The following MAGI1 variants were observed in gnomAD, a reference collection of about 807,000 sequenced individuals.
MAGI1 encodes membrane-associated guanylate kinase, WW and PDZ domain-containing protein 1.
A neutral mutation model predicts 139.9 loss-of-function variants in MAGI1; 58 were observed. That is an observed-to-expected ratio of 0.41 (90% CI 0.34 to 0.52). MAGI1 has a LOEUF of 0.52. Ranked by LOEUF, MAGI1 falls within the 20% of genes least tolerant of loss-of-function variation. The pLI, the probability that MAGI1 is intolerant of heterozygous loss-of-function variation, is 0.12. For missense variants in MAGI1, 1,874 were observed against 1,901.6 expected (o/e 0.99, Z 0.27); for synonymous variants, 812 against 737.9 (o/e 1.10, Z -1.63).
At chr3:65,447,925 C>A in intron 7 of MAGI1, 97 bp downstream of exon 7, 2 of 1,376,228 alleles carry the variant, frequency 1.5e-6, no homozygotes, top group African/African-American at 2.8e-5. Context: ...GGAGTGCAAA[C>A]TAAAGAAACA....
At chr3:65,873,349 T>C (rs904099516) in intron 1 of MAGI1, 10 of 152,206 alleles carry the variant, frequency 6.6e-5, no homozygotes, top group Admixed American at 1.3e-4. Context: ...GCAAAGCTCG[T>C]CCACAGCTGA....
chr3:65,950,650 C>G (rs2063791934), intron 1 of MAGI1, among the ~76,000 whole-genome samples: 1 of 152,178 alleles, frequency 6.6e-6, no homozygotes, highest in South Asian at 2.1e-4. Context: ...AAATTATCAT[C>G]TTTCCAAGAA....
At chr3:65,485,890 G>C (rs1951594324) in intron 3 of MAGI1, among the ~76,000 whole-genome samples, 1 of 152,180 alleles carries the variant, frequency 6.6e-6, no homozygotes, top group African/African-American at 2.4e-5. Context: ...GGATCTCTAA[G>C]CAGGGAATTA....
chr3:65,791,476 T>A (rs760042360), intron 1 of MAGI1, among the ~76,000 whole-genome samples: 8 of 152,120 alleles, frequency 5.3e-5, no homozygotes, highest in Non-Finnish European at 8.8e-5. Context: ...GGACATTACA[T>A]GGAAGAAGGC....
intron 9 of MAGI1, 106 bp downstream of exon 9, chr3:65,439,773 G>A: frequency 3.8e-6 from 6 of 1,573,528 alleles, no homozygotes; most frequent in African/African-American, 2.7e-5. Context: ...TGTGGCAAGA[G>A]AGGACTCAAT....
At chr3:65,364,241 C>T (rs1048427905) in intron 20 of MAGI1, among the ~76,000 whole-genome samples, 8 of 151,340 alleles carry the variant, frequency 5.3e-5, no homozygotes, top group Admixed American at 1.3e-4. Context: ...ATTTGTTTCA[C>T]CTGCTAGTAT....
rs189160628 is a variant in MAGI1 at position 65,865,701 on chromosome 3, C to T, written c.313+172295G>A. On this transcript the variant is annotated intron_variant, in intron 1 of 22. Transcript: ENST00000402939. ...TGTTGCCCAGGCTGGAGTGCAATGGCGCAATCTCGGCTCACTGCAACCTCC... is the reference window on the plus strand; with the variant it reads ...TGTTGCCCAGGCTGGAGTGCAATGGTGCAATCTCGGCTCACTGCAACCTCC... Among the ~76,000 whole-genome samples the T allele has an allele frequency of 1.8e-3, 269 of 152,328 alleles. 4 individuals carry two copies. Among genetic ancestry groups the T allele is most frequent in the Admixed American group, 0.016 (245 of 15,308 alleles).
intron 1 of MAGI1, among the ~76,000 whole-genome samples, chr3:65,841,205 T>C (rs2108339618): frequency 6.6e-6 from 1 of 152,178 alleles, no homozygotes; most frequent in East Asian, 1.9e-4. Context: ...AACCGTCTAT[T>C]TTATTGAACT....
chr3:65,430,245 G>C, intron 11 of MAGI1, 105 bp from the exon 12 acceptor site: 1 of 1,158,026 alleles, frequency 8.6e-7, no homozygotes, highest in East Asian at 2.5e-5. Context: ...AACTGCATGT[G>C]GGTGTGATAC....
chr3:65,785,997 T>C (rs2039348688), intron 1 of MAGI1, among the ~76,000 whole-genome samples: 1 of 151,118 alleles, frequency 6.6e-6, no homozygotes, highest in Non-Finnish European at 1.5e-5. Flanking sequence ...AGTGCAGTGG[T>C]GCAATCAGGG....
intron 1 of MAGI1, among the ~76,000 whole-genome samples, chr3:66,017,872 A>C (rs2067738928): frequency 6.6e-6 from 1 of 152,186 alleles, no homozygotes; most frequent in East Asian, 1.9e-4. Flanking sequence ...TTAGGAAAAC[A>C]CAAAGAAGGA....
chr3:65,580,318 C>CTTTTTT (rs35237934), intron 2 of MAGI1, among the ~76,000 whole-genome samples: 1 of 148,798 alleles, frequency 6.7e-6, no homozygotes. Flanking sequence ...CTTTTTTCTC[C>CTTTTTT]TTTTTTTTTT....
intron 2 of MAGI1, among the ~76,000 whole-genome samples, chr3:65,592,026 T>C (rs946308998): frequency 1.3e-5 from 2 of 152,198 alleles, no homozygotes; most frequent in African/African-American, 2.4e-5. Context: ...AACTATTACA[T>C]GTACTGTTTT....
chr3:65,670,958 T>C (rs1405689748), intron 1 of MAGI1, among the ~76,000 whole-genome samples: 1 of 152,240 alleles, frequency 6.6e-6, no homozygotes, highest in Admixed American at 6.5e-5. Context: ...ATTCATTCAC[T>C]GTTTTTAGCT....
chr3:65,630,400 A>C (rs534785914), intron 1 of MAGI1, among the ~76,000 whole-genome samples: 38 of 152,232 alleles, frequency 2.5e-4, no homozygotes, highest in African/African-American at 8.7e-4. Context: ...AAAAGTTTCG[A>C]AGGAGGAAAG....
In MAGI1 at chr3:65,667,131, T is replaced by G. The variant is rs180694879; in HGVS notation, c.314-45043A>C. ...AAAGGTGTTCAAATTATAGACACTT[T>G]CATTTTCAAAAATCATTTATCTAAA... is the stretch of plus-strand genomic sequence containing the variant. On this transcript the variant is annotated intron_variant, in intron 1 of 22. Transcript: ENST00000402939. Among the ~76,000 whole-genome samples the G allele has an allele frequency of 1.1e-3, 166 of 152,338 alleles. 2 individuals carry two copies. Among genetic ancestry groups the G allele is most frequent in the African/African-American group, 3.5e-3 (146 of 41,586 alleles).
chr3:65,620,214 T>A (rs544928384), intron 2 of MAGI1, among the ~76,000 whole-genome samples: 1 of 152,212 alleles, frequency 6.6e-6, no homozygotes, highest in African/African-American at 2.4e-5. Flanking sequence ...AGAACAATCA[T>A]GATTCTGCAA....
chr3:65,414,498 G>A (rs1398767895), intron 12 of MAGI1, among the ~76,000 whole-genome samples: 3 of 152,146 alleles, frequency 2.0e-5, no homozygotes, highest in African/African-American at 7.2e-5. Flanking sequence ...TGCTCTTCCC[G>A]AGGTTTGGAT....
At chr3:65,822,202 G>A (rs960892870) in intron 1 of MAGI1, among the ~76,000 whole-genome samples, 1 of 152,118 alleles carries the variant, frequency 6.6e-6, no homozygotes, top group Non-Finnish European at 1.5e-5. Context: ...AAATGAAAAA[G>A]GAATTTAATA....
Sources: gnomAD v4.1 joint callset for allele counts (sites outside exome capture counted in the v4.1 genomes callset) on GRCh38, gnomAD v4.1.1 for gene constraint, MANE v1.5 for transcripts, NCBI Gene and HGNC (gene_info 2026-07-23, HGNC 2026-07-21) for gene names.